The following PCDH11X variants were observed in gnomAD, a reference collection of about 807,000 sequenced individuals.
PCDH11X encodes the protein protocadherin-11 X-linked.
PCDH11X carries 18 observed loss-of-function variants against 53.3 expected under a neutral mutation model. That is an observed-to-expected ratio of 0.34 (90% CI 0.23 to 0.50). The LOEUF (loss-of-function observed/expected upper bound fraction) is 0.50. Ranked by LOEUF, PCDH11X falls within the 20% of genes least tolerant of loss-of-function variation. PCDH11X has a pLI of 0.98. For missense variants in PCDH11X, 570 were observed against 1,032.4 expected (o/e 0.55, Z 6.14); for synonymous variants, 279 against 393.3 (o/e 0.71, Z 3.44).
intron 6 of PCDH11X, among the ~76,000 whole-genome samples, chrX:92,077,953 A>G (rs2063800808): frequency 9.1e-6 from 1 of 110,444 alleles, no homozygotes; most frequent in African/African-American, 3.3e-5. Context: ...TTAGACTGTC[A>G]TATTTTGAGT....
intron 8 of PCDH11X, among the ~76,000 whole-genome samples, chrX:92,290,266 AT>A (rs2068464794): frequency 8.9e-6 from 1 of 111,801 alleles, no homozygotes; most frequent in South Asian, 3.7e-4. Context: ...TCAAATGGTT[AT>A]TTTTCCATCA....
chrX:92,601,772 G>A (rs1481178164), intron 10 of PCDH11X, among the ~76,000 whole-genome samples: 1 of 109,612 alleles, frequency 9.1e-6, no homozygotes. Context: ...TCCATATCTC[G>A]CCACACAATT....
intron 6 of PCDH11X, among the ~76,000 whole-genome samples, chrX:91,958,072 T>G (rs185506959): frequency 0.018 from 1,949 of 110,432 alleles, 41 homozygotes; most frequent in African/African-American, 0.061. Flanking sequence ...CTGTGCTGCA[T>G]TGTTGGGGGG....
At chrX:91,940,286 G>T (rs1209525492) in intron 6 of PCDH11X, among the ~76,000 whole-genome samples, 1 of 111,301 alleles carries the variant, frequency 9.0e-6, no homozygotes, top group Admixed American at 9.6e-5. Context: ...GCCAATTAAA[G>T]ATCTTCTTTT....
At chrX:92,244,387 C>T (rs1454050926) in intron 7 of PCDH11X, among the ~76,000 whole-genome samples, 1 of 108,229 alleles carries the variant, frequency 9.2e-6, no homozygotes, top group Non-Finnish European at 1.9e-5. Flanking sequence ...AAAGTTTTCC[C>T]ACTCACAGTC....
intron 10 of PCDH11X, among the ~76,000 whole-genome samples, chrX:92,610,079 A>G (rs1226580658): frequency 1.8e-5 from 2 of 111,772 alleles, no homozygotes; most frequent in African/African-American, 6.5e-5. Context: ...TCTTTTTGGT[A>G]GAACAATTTG....
intron 6 of PCDH11X, among the ~76,000 whole-genome samples, chrX:92,105,305 TG>T (rs2064354469): frequency 9.0e-6 from 1 of 110,808 alleles, no homozygotes; most frequent in South Asian, 3.8e-4. Context: ...GATTTGAAAT[TG>T]GTGAGATGTT....
intron 10 of PCDH11X, among the ~76,000 whole-genome samples, chrX:92,557,351 T>G (rs1341409598): frequency 9.0e-6 from 1 of 110,727 alleles, no homozygotes; most frequent in Non-Finnish European, 1.9e-5. Flanking sequence ...TTCCTCTTAA[T>G]GCTTTGCCAC....
chrX:92,549,894 C>T (rs903976792), intron 10 of PCDH11X, among the ~76,000 whole-genome samples: 8 of 111,421 alleles, frequency 7.2e-5, no homozygotes, highest in Non-Finnish European at 1.3e-4. Context: ...GTGATCAAAT[C>T]AGGGTAATTA....
Position 92,383,059 on chromosome X carries a change from A to C in PCDH11X, c.3145-4676A>C, listed in dbSNP as rs779852573. ...ATTTAATAATACATAAAAGTACCTA[A>C]ATTTTAAATTTTAATGTCCATAAGT... On this transcript the variant is annotated intron_variant, in intron 8 of 10. Transcript: ENST00000682573. Among the ~76,000 whole-genome samples, 9 of 109,292 alleles carry C rather than the reference A, an allele frequency of 8.2e-5. No individual in the cohort carries two copies. In the East Asian group the frequency reaches 2.3e-3, roughly 28 times the overall value. 94.9% of individuals were successfully genotyped at this position (109,292 alleles called of 115,157 possible).
At chrX:91,874,659 AC>A (rs981539569) in intron 5 of PCDH11X, among the ~76,000 whole-genome samples, 9 of 87,902 alleles carry the variant, frequency 1.0e-4, no homozygotes, top group African/African-American at 3.8e-4. Context: ...GAATCTCAGC[AC>A]CCCCCCAAAA....
At chrX:91,857,729 G>A (rs1235077032) in intron 5 of PCDH11X, among the ~76,000 whole-genome samples, 1 of 112,122 alleles carries the variant, frequency 8.9e-6, no homozygotes, top group Non-Finnish European at 1.9e-5. Context: ...TCCAGGTCAT[G>A]CTGATGCAAG....
intron 6 of PCDH11X, among the ~76,000 whole-genome samples, chrX:91,913,134 G>C (rs1314358201): frequency 4.5e-5 from 5 of 111,028 alleles, no homozygotes; most frequent in Admixed American, 1.9e-4. Flanking sequence ...AATTGGGGAG[G>C]GATTATGGGG....
At chrX:91,920,683 AT>A (rs1244455388) in intron 6 of PCDH11X, among the ~76,000 whole-genome samples, 4 of 111,233 alleles carry the variant, frequency 3.6e-5, no homozygotes, top group Non-Finnish European at 7.5e-5. Flanking sequence ...TACTGCATTA[AT>A]TATTTACACT....
At position 91,877,929 on chromosome X, in the gene PCDH11X, G is replaced by A. The variant is rs755246227; in HGVS notation, c.1689G>A (p.Gln563=). The A allele has an allele frequency of 8.3e-6, 10 of 1,211,821 alleles. No homozygotes were observed. The South Asian group carries it at 1.8e-4, about 21-fold the overall frequency. ...NVTVFVSIID[Q]NDNSPVFTHN... ...CAGTCTTTGTAAGCATTATTGATCAGAATGACAATAGCCCAGTTTTCACTC... is the reference window on the plus strand; with the variant it reads ...CAGTCTTTGTAAGCATTATTGATCAAAATGACAATAGCCCAGTTTTCACTC... The change falls in exon 6 of 11, where the codon CAG becomes CAA. Residue 563 remains glutamine, a synonymous_variant. Transcript: ENST00000682573.
chrX:92,005,316 G>A, intron 6 of PCDH11X, among the ~76,000 whole-genome samples: 1 of 109,999 alleles, frequency 9.1e-6, no homozygotes, highest in Non-Finnish European at 1.9e-5. Flanking sequence ...ATTTTCTCTG[G>A]TGATATGATT....
intron 4 of PCDH11X, among the ~76,000 whole-genome samples, chrX:91,819,835 C>T (rs1287442557): frequency 2.2e-5 from 2 of 89,445 alleles, no homozygotes; most frequent in African/African-American, 4.2e-5. Flanking sequence ...CCCAACCCCA[C>T]AACAGTCCCC....
intron 10 of PCDH11X, among the ~76,000 whole-genome samples, chrX:92,525,562 CA>C (rs1439566596): frequency 9.7e-6 from 1 of 103,144 alleles, no homozygotes; most frequent in Non-Finnish European, 1.9e-5. Flanking sequence ...ACCCAGGAGG[CA>C]GAGGTTGCAG....
chrX:91,959,203 C>G (rs1178169703), intron 6 of PCDH11X, among the ~76,000 whole-genome samples: 1 of 107,363 alleles, frequency 9.3e-6, no homozygotes, highest in Non-Finnish European at 1.9e-5. Context: ...ATAAAGTGCA[C>G]AGCCTGATGA....
Sources: gnomAD v4.1 joint callset for allele counts (sites outside exome capture counted in the v4.1 genomes callset) on GRCh38, gnomAD v4.1.1 for gene constraint, MANE v1.5 for transcripts, NCBI Gene and HGNC (gene_info 2026-07-23, HGNC 2026-07-21) for gene names.